Variants in SLC37A3 observed in about 807,000 individuals in gnomAD.
The protein encoded by SLC37A3 is solute carrier family 37 member 3, also known as sugar phosphate exchanger 3.
SLC37A3 carries 51 observed loss-of-function variants against 67.1 expected under a neutral mutation model. The observed-to-expected ratio is 0.76, with a 90% CI of 0.61 to 0.96. The LOEUF is 0.96. Ranked by LOEUF, SLC37A3 falls within the 40% of genes least tolerant of loss-of-function variation. The pLI, the probability that SLC37A3 is intolerant of heterozygous loss-of-function variation, is 0.00. For synonymous variants in SLC37A3, 214 were observed against 231.4 expected (o/e 0.92, Z 0.68); for missense variants, 508 against 603.0 (o/e 0.84, Z 1.65).
rs768472820 is a variant in SLC37A3, at chr7:140,387,686, T to C, written c.-70-5090A>G. Among the ~76,000 whole-genome samples, 654 of 109,478 alleles carry C rather than the reference T, an allele frequency of 6.0e-3. 4 individuals are homozygous for C. Among genetic ancestry groups the C allele is most frequent in the African/African-American group, 0.022 (605 of 27,320 alleles). The allele number at this position is 109,478 out of a possible 152,430, so 71.8% of individuals were successfully genotyped here. ...TATAAATATATTATATATAAATATA[T>C]TATATATATTATATAAATATAAATA... On this transcript the variant is annotated intron_variant, in intron 1 of 14. Transcript: ENST00000326232.
intron 4 of SLC37A3, among the ~76,000 whole-genome samples, chr7:140,368,555 A>G (rs978338563): frequency 6.6e-6 from 1 of 152,110 alleles, no homozygotes; most frequent in African/African-American, 2.4e-5. Flanking sequence ...CGACAAGTGC[A>G]AAACTCTGTC....
intron 1 of SLC37A3, among the ~76,000 whole-genome samples, chr7:140,390,149 T>A (rs1798667989): frequency 6.6e-6 from 1 of 152,010 alleles, no homozygotes; most frequent in Non-Finnish European, 1.5e-5. Context: ...CTGAAGAAAG[T>A]CTACTGCAGA....
At chr7:140,366,320 G>T (rs1166585041) in intron 4 of SLC37A3, among the ~76,000 whole-genome samples, 1 of 152,072 alleles carries the variant, frequency 6.6e-6, no homozygotes, top group South Asian at 2.1e-4. Context: ...TGTTGGCCAG[G>T]CTGGTCTCAA....
intron 10 of SLC37A3, 50 bp downstream of exon 10, chr7:140,348,576 A>G: frequency 6.4e-7 from 1 of 1,556,502 alleles, no homozygotes; most frequent in East Asian, 2.3e-5. Context: ...CCAGTAAAAG[A>G]TCACTAGTGA....
At chr7:140,343,781 A>G in intron 12 of SLC37A3, 2 of 511,790 alleles carry the variant, frequency 3.9e-6, no homozygotes, top group South Asian at 2.2e-5. Context: ...TATATTTTGT[A>G]GAACCCAAAG....
intron 14 of SLC37A3, among the ~76,000 whole-genome samples, chr7:140,336,499 C>A (rs1481511004): frequency 6.6e-6 from 1 of 152,200 alleles, no homozygotes; most frequent in African/African-American, 2.4e-5. Context: ...AGAATCCCAG[C>A]CAAGAATGTC....
chr7:140,337,586 ATT>A (rs200099369), intron 13 of SLC37A3: 5,652 of 334,670 alleles, frequency 0.017, 84 homozygotes, highest in Non-Finnish European at 0.024. Flanking sequence ...CAGAAGGTTT[ATT>A]TTTATTCACT....
intron 5 of SLC37A3, among the ~76,000 whole-genome samples, chr7:140,360,713 G>A (rs1797231337): frequency 7.0e-6 from 1 of 143,184 alleles, no homozygotes; most frequent in African/African-American, 2.6e-5. Flanking sequence ...CAGCTTGGGT[G>A]ACAGAGCAAG....
At chr7:140,367,410 T>C (rs1041637074) in intron 4 of SLC37A3, among the ~76,000 whole-genome samples, 37 of 152,154 alleles carry the variant, frequency 2.4e-4, no homozygotes, top group African/African-American at 8.7e-4. Flanking sequence ...CACTCCAGCC[T>C]GGGCAAGAGA....
At position 140,351,419 on chromosome 7, in the gene SLC37A3, CAA is replaced by C; in HGVS notation, c.734_735del (p.Phe245Ter). 6.2e-7 allele frequency: 1 copy of C among 1,614,130 alleles called. No homozygotes were observed. ...GLSGIEAEEN[F>X]EEDSHRPLIN... is the part of the protein sequence containing the mutation. ...ATTAATGGCCTGTGTGAGTCTTCTT[CAA>C]AGTTTTCTTCTGCCTCAATACCCGA... On this transcript the variant is annotated frameshift_variant, in exon 9 of 15. Coordinates refer to ENST00000326232, the MANE Select transcript of SLC37A3 (RefSeq NM_207113.3). LOFTEE classifies it high-confidence loss of function.
intron 12 of SLC37A3, chr7:140,343,852 C>T (rs1796452822): frequency 3.0e-5 from 10 of 333,400 alleles, no homozygotes; most frequent in South Asian, 2.6e-4. Flanking sequence ...TCATTAATAA[C>T]TAATTGCACT....
intron 1 of SLC37A3, among the ~76,000 whole-genome samples, chr7:140,392,625 C>T (rs1798764633): frequency 6.6e-6 from 1 of 152,142 alleles, no homozygotes; most frequent in Non-Finnish European, 1.5e-5. Context: ...GCCTTTAAAG[C>T]CTGTCTAACC....
At chr7:140,359,213 G>A (rs1373009964) in intron 5 of SLC37A3, among the ~76,000 whole-genome samples, 1 of 152,022 alleles carries the variant, frequency 6.6e-6, no homozygotes, top group Non-Finnish European at 1.5e-5. Context: ...CGTGGTGGCA[G>A]GTGCCTGTAG....
intron 4 of SLC37A3, among the ~76,000 whole-genome samples, chr7:140,365,670 G>A (rs557440771): frequency 6.6e-6 from 1 of 152,188 alleles, no homozygotes; most frequent in Non-Finnish European, 1.5e-5. Context: ...GCAGTCAGCC[G>A]AGATGGCACC....
At chr7:140,383,562 G>A (rs1237011961) in intron 1 of SLC37A3, among the ~76,000 whole-genome samples, 1 of 152,158 alleles carries the variant, frequency 6.6e-6, no homozygotes, top group African/African-American at 2.4e-5. Flanking sequence ...CTCTGGGCAA[G>A]CTGCCTAACC....
chr7:140,361,663 C>CGAG (rs1797301606), intron 5 of SLC37A3, among the ~76,000 whole-genome samples: 1 of 150,224 alleles, frequency 6.7e-6, no homozygotes, highest in Non-Finnish European at 1.5e-5. Context: ...ATTCTCCTGC[C>CGAG]TCAGCCTGCC....
intron 1 of SLC37A3, among the ~76,000 whole-genome samples, chr7:140,397,262 C>G (rs1243586489): frequency 1.4e-5 from 2 of 146,576 alleles, no homozygotes; most frequent in African/African-American, 5.0e-5. Flanking sequence ...GGTGTGATCT[C>G]GGCTCACTGC....
intron 10 of SLC37A3, among the ~76,000 whole-genome samples, chr7:140,347,758 C>CAAAA (rs11436762): frequency 2.1e-4 from 29 of 139,472 alleles, no homozygotes; most frequent in African/African-American, 7.2e-4. Context: ...CTAGCTACAG[C>CAAAA]AAAAAAAAAA....
At chr7:140,379,895 A>T (rs1306380978) in intron 3 of SLC37A3, 4 of 52,422 alleles carry the variant, frequency 7.6e-5, no homozygotes, top group Admixed American at 1.9e-4. Flanking sequence ...TACTCTGTTT[A>T]AAAAAAAAAA....
Sources: allele counts gnomAD v4.1 joint callset (sites outside exome capture counted in the v4.1 genomes callset), GRCh38; gene constraint gnomAD v4.1.1; transcripts MANE v1.5; gene names NCBI Gene and HGNC (gene_info 2026-07-23, HGNC 2026-07-21).